Variants in MTDH observed in about 807,000 individuals in gnomAD.
MTDH encodes the protein metadherin, also known as protein LYRIC.
In MTDH, 34 loss-of-function variants were observed where a neutral mutation model predicts 72.7. The ratio of observed to expected loss-of-function variants is 0.47; its 90% CI spans 0.36 to 0.62. The LOEUF (loss-of-function observed/expected upper bound fraction) is 0.62. MTDH is among the 20% of genes least tolerant of loss of function. The pLI, the probability that MTDH is intolerant of heterozygous loss-of-function variation, is 0.00. For synonymous variants in MTDH, 266 were observed against 268.9 expected (o/e 0.99, Z 0.10); for missense variants, 677 against 699.4 (o/e 0.97, Z 0.36).
At chr8:97,658,720 G>C (rs1392694404) in intron 1 of MTDH, among the ~76,000 whole-genome samples, 4 of 152,182 alleles carry the variant, frequency 2.6e-5, no homozygotes, top group Non-Finnish European at 4.4e-5. Flanking sequence ...GGAGACTATA[G>C]AACTGAAGCT....
At chr8:97,659,155 AATG>A (rs1188015276) in intron 1 of MTDH, among the ~76,000 whole-genome samples, 1 of 152,090 alleles carries the variant, frequency 6.6e-6, no homozygotes, top group Non-Finnish European at 1.5e-5. Context: ...AAAAAAAAAA[AATG>A]ATGATATTAG....
At chr8:97,647,220 C>A (rs1586194788) in intron 1 of MTDH, among the ~76,000 whole-genome samples, 1 of 152,150 alleles carries the variant, frequency 6.6e-6, no homozygotes, top group Non-Finnish European at 1.5e-5. Context: ...CAGTTTCTCC[C>A]CAGGGAGCTT....
intron 2 of MTDH, among the ~76,000 whole-genome samples, chr8:97,674,667 C>T (rs922071574): frequency 6.6e-6 from 1 of 151,942 alleles, no homozygotes; most frequent in African/African-American, 2.4e-5. Flanking sequence ...GTTAATATTA[C>T]AAAAATGAAA....
rs928617275 is a variant in MTDH, at chr8:97,727,844, C to T, written c.*3174C>T. 5.3e-5 allele frequency: 8 copies of T among 151,646 alleles called. No individual in the cohort carries two copies. The South Asian group carries it at 6.2e-4, about 12-fold the overall frequency. The allele number at this position is 151,646 out of a possible 1,614,324, so 9.4% of individuals were successfully genotyped here. ...AGACTGGAATCCTACCTATCTGTACCGACAATTGAGCAAACAACAGTTGAG... is the reference window on the plus strand; with the variant it reads ...AGACTGGAATCCTACCTATCTGTACTGACAATTGAGCAAACAACAGTTGAG... On this transcript the variant is annotated 3_prime_UTR_variant, in exon 12 of 12. Coordinates refer to ENST00000336273, the MANE Select transcript of MTDH (RefSeq NM_178812.4).
intron 2 of MTDH, among the ~76,000 whole-genome samples, chr8:97,680,435 C>A (rs1195239665): frequency 1.3e-5 from 2 of 152,094 alleles, no homozygotes; most frequent in Admixed American, 6.5e-5. Context: ...TGTTTGTAGT[C>A]CCAATGAATA....
intron 8 of MTDH, among the ~76,000 whole-genome samples, chr8:97,706,969 C>T (rs1017147957): frequency 1.3e-5 from 2 of 152,004 alleles, no homozygotes; most frequent in Non-Finnish European, 2.9e-5. Flanking sequence ...CAGAGGCTGA[C>T]ACCAATTGAG....
intron 2 of MTDH, among the ~76,000 whole-genome samples, chr8:97,672,931 T>G (rs1270251125): frequency 6.6e-6 from 1 of 151,506 alleles, no homozygotes; most frequent in Admixed American, 6.6e-5. Context: ...TTTAAATAAT[T>G]TAATGACTTG....
chr8:97,716,243 G>A (rs930560801), intron 9 of MTDH, among the ~76,000 whole-genome samples: 2 of 151,476 alleles, frequency 1.3e-5, no homozygotes, highest in Admixed American at 6.6e-5. Flanking sequence ...AGCATTAACC[G>A]GGCATGGTTG....
chr8:97,644,995 G>T, intron 1 of MTDH, 108 bp downstream of exon 1: 3 of 1,293,544 alleles, frequency 2.3e-6, no homozygotes, highest in Non-Finnish European at 3.1e-6. Context: ...GTGCTTAGTC[G>T]AAAGCCGAGA....
chr8:97,661,201 T>C (rs767791591), intron 2 of MTDH, 28 bp downstream of exon 2: 3 of 1,472,730 alleles, frequency 2.0e-6, no homozygotes. Flanking sequence ...TGAAATTGTA[T>C]GCAAGACTCT....
At chr8:97,696,833 G>A (rs1429651183) in intron 6 of MTDH, among the ~76,000 whole-genome samples, 1 of 151,582 alleles carries the variant, frequency 6.6e-6, no homozygotes, top group African/African-American at 2.4e-5. Flanking sequence ...CATAAATATG[G>A]GAGGCCAGGT....
chr8:97,648,548 G>A (rs939941125), intron 1 of MTDH, among the ~76,000 whole-genome samples: 2 of 151,580 alleles, frequency 1.3e-5, no homozygotes, highest in Non-Finnish European at 2.9e-5. Context: ...GAGTGCAGTG[G>A]CGGTTATAGC....
chr8:97,723,515 G>C (rs193227183), intron 11 of MTDH, among the ~76,000 whole-genome samples: 1 of 151,760 alleles, frequency 6.6e-6, no homozygotes, highest in Non-Finnish European at 1.5e-5. Flanking sequence ...AGGCTGAGGC[G>C]GGCGGATCAC....
chr8:97,714,905 A>G (rs62521703), intron 9 of MTDH, among the ~76,000 whole-genome samples: 23,039 of 151,824 alleles, frequency 0.15, 1,981 homozygotes, highest in East Asian at 0.33. Context: ...AGCTCATTGC[A>G]GCCTCTGCCT....
At chr8:97,710,211 C>G (rs2131058413) in intron 8 of MTDH, among the ~76,000 whole-genome samples, 1 of 150,628 alleles carries the variant, frequency 6.6e-6, no homozygotes, top group Admixed American at 6.6e-5. Flanking sequence ...TGTAAACTGT[C>G]TGGTAGTTCG....
intron 7 of MTDH, among the ~76,000 whole-genome samples, chr8:97,703,103 A>G (rs903740643): frequency 2.0e-5 from 3 of 152,206 alleles, no homozygotes; most frequent in Non-Finnish European, 4.4e-5. Flanking sequence ...CATGGCTCAC[A>G]CTTGTAATCC....
Position 97,644,269 on chromosome 8 carries a change from C to A in MTDH, c.-238C>A. On this transcript the variant is annotated 5_prime_UTR_variant, in exon 1 of 12. Coordinates refer to ENST00000336273, the MANE Select transcript of MTDH (RefSeq NM_178812.4). ...CTTAGCGGCCGCCACTGGAGACACT[C>A]CCTCCCGCCTCCCGGGTCTCCTGGC... 1 of 542,752 alleles carries A rather than the reference C, an allele frequency of 1.8e-6. No homozygotes were observed. Among genetic ancestry groups the A allele is most frequent in the South Asian group, 2.5e-5 (1 of 39,372 alleles). The allele number at this position is 542,752 out of a possible 1,614,324, so 33.6% of individuals were successfully genotyped here.
In MTDH at chr8:97,725,205, A is replaced by G. The variant is rs1815307218; in HGVS notation, c.*535A>G. 6.6e-6 allele frequency: 1 copy of G among 152,652 alleles called. No individual in the cohort carries two copies. Among genetic ancestry groups the G allele is most frequent in the African/African-American group, 2.4e-5 (1 of 41,472 alleles). The allele number at this position is 152,652 out of a possible 1,614,324, so 9.5% of individuals were successfully genotyped here. On this transcript the variant is annotated 3_prime_UTR_variant, in exon 12 of 12. Transcript: ENST00000336273. ...AAGTGCAAATAAAAAGTCATTTATC[A>G]TTTGTTTAACTAAACTGTCATGGTT...
chr8:97,719,476 G>C (rs1372207845), intron 10 of MTDH, among the ~76,000 whole-genome samples: 1 of 130,472 alleles, frequency 7.7e-6, no homozygotes, highest in Non-Finnish European at 1.5e-5. Context: ...CTAGGCAAGA[G>C]AGCAAGACAC....
Sources: gnomAD v4.1 joint callset for allele counts (sites outside exome capture counted in the v4.1 genomes callset) on GRCh38, gnomAD v4.1.1 for gene constraint, MANE v1.5 for transcripts, NCBI Gene and HGNC (gene_info 2026-07-23, HGNC 2026-07-21) for gene names.